TPRG1: variants seen among roughly 807,000 people sequenced by gnomAD.
TPRG1 encodes the protein tumor protein p63 regulated 1.
In TPRG1, 29 loss-of-function variants were observed where a neutral mutation model predicts 29.3. The observed-to-expected ratio is 0.99, with a 90% CI of 0.74 to 1.35. The LOEUF (loss-of-function observed/expected upper bound fraction) is 1.35, where lower values mean the gene tolerates loss of function less well. TPRG1 is among the 40% of genes most tolerant of loss of function. The pLI is 0.00. For synonymous variants in TPRG1, 130 were observed against 116.8 expected, an observed-to-expected ratio of 1.11 and a Z score of -0.73; for missense variants, 327 against 335.0, an observed-to-expected ratio of 0.98 and a Z score of 0.19.
chr3:189,144,900 C>A (rs764625891), intron 3 of TPRG1, among the ~76,000 whole-genome samples: 6 of 152,208 alleles, frequency 3.9e-5, no homozygotes, highest in South Asian at 2.1e-4. Context: ...AGGGTCATGT[C>A]TTACACACTG....
chr3:189,161,639 A>T (rs940916868), intron 5 of TPRG1, among the ~76,000 whole-genome samples: 1 of 152,176 alleles, frequency 6.6e-6, no homozygotes, highest in African/African-American at 2.4e-5. Flanking sequence ...CTCTTTATCC[A>T]CTTCATTTTA....
intron 4 of TPRG1, among the ~76,000 whole-genome samples, chr3:189,037,915 G>A (rs1340745808): frequency 6.7e-6 from 1 of 149,592 alleles, no homozygotes; most frequent in Non-Finnish European, 1.5e-5. Context: ...CTATCAAAAG[G>A]CATACAAGAT....
At chr3:189,219,625 A>G in intron 3 of TPRG1, 1 of 1,289,374 alleles carries the variant, frequency 7.8e-7, no homozygotes, top group Non-Finnish European at 1.0e-6. Context: ...GGAATTTCAA[A>G]AAGTATGATA....
At chr3:189,011,395 A>G (rs1712592829) in intron 3 of TPRG1, among the ~76,000 whole-genome samples, 1 of 152,136 alleles carries the variant, frequency 6.6e-6, no homozygotes, top group African/African-American at 2.4e-5. Context: ...TATCTGTATT[A>G]GTTCATTTTC....
At chr3:189,141,260 AC>A (rs1262298515) in intron 3 of TPRG1, among the ~76,000 whole-genome samples, 2 of 152,232 alleles carry the variant, frequency 1.3e-5, no homozygotes, top group African/African-American at 4.8e-5. Flanking sequence ...ACACACACAG[AC>A]GGTGCACTGT....
At chr3:189,021,765 T>G (rs1043776686) in intron 3 of TPRG1, among the ~76,000 whole-genome samples, 1 of 152,100 alleles carries the variant, frequency 6.6e-6, no homozygotes, top group South Asian at 2.1e-4. Context: ...TTTCCTGAAT[T>G]TGAACGTTGG....
intron 4 of TPRG1, among the ~76,000 whole-genome samples, chr3:189,241,201 T>C (rs187350001): frequency 3.9e-4 from 60 of 152,300 alleles, no homozygotes; most frequent in African/African-American, 1.4e-3. Flanking sequence ...GTGCTACCAA[T>C]TAATACTTTC....
chr3:189,032,861 C>G (rs1050089872), intron 4 of TPRG1, among the ~76,000 whole-genome samples: 1 of 148,492 alleles, frequency 6.7e-6, no homozygotes, highest in Non-Finnish European at 1.5e-5. Flanking sequence ...GGTTTTTTGT[C>G]CTTGCGATAG....
intron 4 of TPRG1, among the ~76,000 whole-genome samples, chr3:189,031,898 A>T (rs570080453): frequency 1.3e-3 from 199 of 152,316 alleles, no homozygotes; most frequent in African/African-American, 4.7e-3. Flanking sequence ...ATAAATAATA[A>T]TAAGAAGAAG....
At chr3:188,997,852 T>G (rs1463267638) in intron 1 of TPRG1, among the ~76,000 whole-genome samples, 1 of 152,194 alleles carries the variant, frequency 6.6e-6, no homozygotes, top group Non-Finnish European at 1.5e-5. Flanking sequence ...TTCCTCCCCT[T>G]GCTCCTCTCC....
At chr3:189,169,651 A>G (rs1265314488), upstream of TPRG1, among the ~76,000 whole-genome samples, 2 of 152,230 alleles carry the variant, frequency 1.3e-5, no homozygotes, top group African/African-American at 4.8e-5. Context: ...ATTCTTATAT[A>G]TAGCCATATG....
chr3:189,215,554 G>A (rs996457808), intron 3 of TPRG1, among the ~76,000 whole-genome samples, 171 bp downstream of exon 3: 7 of 152,108 alleles, frequency 4.6e-5, no homozygotes, highest in Non-Finnish European at 1.0e-4. Flanking sequence ...CTGATGATAT[G>A]ACCAGATATG....
At chr3:189,024,785 C>T (rs753454797) in intron 4 of TPRG1, among the ~76,000 whole-genome samples, 1 of 152,134 alleles carries the variant, frequency 6.6e-6, no homozygotes, top group Non-Finnish European at 1.5e-5. Context: ...ATAAAGATCC[C>T]TCTTAAGGAA....
intron 1 of TPRG1, among the ~76,000 whole-genome samples, chr3:189,125,484 A>T (rs562052797): frequency 6.6e-6 from 1 of 152,304 alleles, no homozygotes; most frequent in East Asian, 1.9e-4. Flanking sequence ...TTGTCTGTTT[A>T]TAGCTGATTA....
chr3:189,033,137 T>A (rs1257655692), intron 4 of TPRG1, among the ~76,000 whole-genome samples: 1 of 152,174 alleles, frequency 6.6e-6, no homozygotes, highest in Non-Finnish European at 1.5e-5. Flanking sequence ...GACCAGAACT[T>A]ATCACATGAC....
intron 1 of TPRG1, among the ~76,000 whole-genome samples, chr3:189,100,716 A>T (rs1461039612): frequency 1.3e-5 from 2 of 152,186 alleles, no homozygotes; most frequent in Non-Finnish European, 2.9e-5. Context: ...TAAGGCTTGA[A>T]TTATAAACCT....
intron 4 of TPRG1, among the ~76,000 whole-genome samples, chr3:189,293,399 G>A (rs746261307): frequency 2.0e-5 from 3 of 152,112 alleles, no homozygotes; most frequent in Admixed American, 2.0e-4. Flanking sequence ...TCCTGATCTG[G>A]GACCTGGATA....
chr3:189,191,227 G>A (rs1334214062), intron 1 of TPRG1, among the ~76,000 whole-genome samples: 1 of 152,044 alleles, frequency 6.6e-6, no homozygotes, highest in Admixed American at 6.6e-5. Flanking sequence ...AGATGTTATC[G>A]TTCTTCATCA....
At chr3:189,160,118 C>T (rs1367854037) in intron 5 of TPRG1, among the ~76,000 whole-genome samples, 3 of 152,108 alleles carry the variant, frequency 2.0e-5, no homozygotes, top group Non-Finnish European at 2.9e-5. Context: ...CTGAGATGGG[C>T]TGCAGCCCTC....
Sources: gnomAD v4.1 joint callset for allele counts (sites outside exome capture counted in the v4.1 genomes callset) on GRCh38, gnomAD v4.1.1 for gene constraint, MANE v1.5 for transcripts, NCBI Gene and HGNC (gene_info 2026-07-23, HGNC 2026-07-21) for gene names.